Variants in PIWIL4 observed in about 807,000 individuals in gnomAD.
PIWIL4 encodes piwi like RNA-mediated gene silencing 4.
In PIWIL4, 50 loss-of-function variants were observed where a neutral mutation model predicts 100.9. That is an observed-to-expected ratio of 0.50 (90% CI 0.39 to 0.63). The LOEUF (loss-of-function observed/expected upper bound fraction) is 0.63. Ranked by LOEUF, PIWIL4 falls within the 20% of genes least tolerant of loss-of-function variation. PIWIL4 has a pLI of 0.00. For synonymous variants in PIWIL4, 342 were observed against 367.5 expected, an observed-to-expected ratio of 0.93 and a Z score of 0.79; for missense variants, 887 against 1,043.3, an observed-to-expected ratio of 0.85 and a Z score of 2.06.
At chr11:94,619,620 T>G in intron 17 of PIWIL4, 140 bp from the exon 18 acceptor site, 2 of 952,882 alleles carry the variant, frequency 2.1e-6, no homozygotes, top group Non-Finnish European at 1.5e-6. Context: ...GAAGGAGGGA[T>G]TGTAGGTAAT....
intron 6 of PIWIL4, 47 bp from the exon 7 acceptor site, chr11:94,587,003 C>A (rs377010536): frequency 4.3e-6 from 6 of 1,410,564 alleles, no homozygotes; most frequent in Non-Finnish European, 4.9e-6. Context: ...ATTGTGTTTC[C>A]GGTATAACAT....
chr11:94,588,320 T>G (rs1226770004), intron 7 of PIWIL4, among the ~76,000 whole-genome samples: 2 of 152,166 alleles, frequency 1.3e-5, no homozygotes, highest in Admixed American at 1.3e-4. Context: ...CAAAAATACT[T>G]CTTTTAGGGG....
At chr11:94,614,549 TCCTC>T (rs942028348) in intron 15 of PIWIL4, among the ~76,000 whole-genome samples, 28 of 152,248 alleles carry the variant, frequency 1.8e-4, no homozygotes, top group African/African-American at 6.5e-4. Flanking sequence ...CTTCAGGTGA[TCCTC>T]CCTCCTCGGC....
At chr11:94,612,518 T>C (rs1379908151) in intron 15 of PIWIL4, among the ~76,000 whole-genome samples, 2 of 152,182 alleles carry the variant, frequency 1.3e-5, no homozygotes, top group Non-Finnish European at 2.9e-5. Context: ...TGTCATTTGA[T>C]TGGAGAATTT....
intron 4 of PIWIL4, 118 bp from the exon 5 acceptor site, chr11:94,583,330 C>A: frequency 8.8e-6 from 10 of 1,130,566 alleles, no homozygotes; most frequent in South Asian, 1.5e-5. Context: ...ATTACTCATA[C>A]TAACACCTGC....
At chr11:94,585,630 A>G in intron 6 of PIWIL4, 105 bp downstream of exon 6, 1 of 761,930 alleles carries the variant, frequency 1.3e-6, no homozygotes, top group African/African-American at 1.8e-5. Context: ...AGACTCTGTG[A>G]TATGAAATGT....
intron 4 of PIWIL4, among the ~76,000 whole-genome samples, chr11:94,578,188 T>C (rs189629502): frequency 2.0e-5 from 3 of 152,300 alleles, no homozygotes; most frequent in East Asian, 3.9e-4. Flanking sequence ...GTCTTCAGGA[T>C]CGTACTGGTA....
intron 8 of PIWIL4, among the ~76,000 whole-genome samples, chr11:94,593,165 C>A (rs550951168): frequency 1.3e-5 from 2 of 152,254 alleles, no homozygotes; most frequent in East Asian, 3.9e-4. Context: ...AAGCATGGGG[C>A]AGTCTACCTC....
rs77223905 is a variant in PIWIL4, at chr11:94,609,216, C to T, written c.1943+530C>T. On this transcript the variant is annotated intron_variant, in intron 15 of 19. Transcript: ENST00000299001. ...AAATAAGGTGCATTGAACATCTCCA[C>T]CCATAGTAAATACTCAATACATACT... 5.8e-3 allele frequency among the ~76,000 whole-genome samples: 887 copies of T among 152,306 alleles called. 7 individuals carry two copies. The highest frequency in any genetic ancestry group is 7.2e-3 in the Non-Finnish European group (493 of 68,028).
chr11:94,614,082 G>A (rs12280509), intron 15 of PIWIL4, among the ~76,000 whole-genome samples: 10,106 of 151,140 alleles, frequency 0.067, 682 homozygotes, highest in East Asian at 0.19. Context: ...TTTTTTAATT[G>A]TTTCTATCTC....
At chr11:94,567,838 G>A (rs1301422576) in intron 1 of PIWIL4, 3 of 1,129,148 alleles carry the variant, frequency 2.7e-6, no homozygotes, top group Non-Finnish European at 3.3e-6. Context: ...ACTGAAGATT[G>A]GGGACAAATA....
At chr11:94,586,603 A>G (rs539391631) in intron 6 of PIWIL4, among the ~76,000 whole-genome samples, 61 of 152,258 alleles carry the variant, frequency 4.0e-4, no homozygotes, top group African/African-American at 1.4e-3. Context: ...TCACTCCATA[A>G]ATGTATTATT....
intron 3 of PIWIL4, among the ~76,000 whole-genome samples, chr11:94,576,219 C>T (rs1948234764): frequency 6.6e-6 from 1 of 152,218 alleles, no homozygotes. Flanking sequence ...ACTGCAGCCT[C>T]TGCCTTCCAG....
chr11:94,567,395 G>A lies in PIWIL4; in HGVS notation c.-124G>A. On this transcript the variant is annotated 5_prime_UTR_variant, in exon 1 of 20. Coordinates refer to ENST00000299001, the MANE Select transcript of PIWIL4 (RefSeq NM_152431.3). ...ATTTCCAGCCCCGGCGTTGGTTGTG[G>A]ATGCTGGACATCCACCGCCTCCAGG... is the stretch of plus-strand genomic sequence containing the variant. The A allele has an allele frequency of 1.1e-6, 1 of 880,356 alleles. No homozygotes were observed. The highest frequency in any genetic ancestry group is 1.6e-6 in the Non-Finnish European group (1 of 610,928). 54.5% of individuals were successfully genotyped at this position (880,356 alleles called of 1,614,324 possible).
chr11:94,597,782 T>C, intron 10 of PIWIL4, 22 bp from the exon 11 acceptor site: 1 of 1,556,500 alleles, frequency 6.4e-7, no homozygotes, highest in South Asian at 1.1e-5. Flanking sequence ...TCTTTAATGA[T>C]TTAAAACAAC....
intron 4 of PIWIL4, among the ~76,000 whole-genome samples, chr11:94,578,224 A>G (rs1186492416): frequency 2.0e-5 from 3 of 152,164 alleles, no homozygotes. Flanking sequence ...TCCTCTTACA[A>G]TTTTTTGAAG....
Position 94,587,040 on chromosome 11 carries a change from G to A in PIWIL4, c.717-10G>A. Reference sequence around the variant, plus strand: ...GACAATATTCCTTTTTTTCTTTTTTGTTTTTAAAGATTATCCCTTTGGCCT... The same window carrying A: ...GACAATATTCCTTTTTTTCTTTTTTATTTTTAAAGATTATCCCTTTGGCCT... On this transcript the variant is annotated splice_polypyrimidine_tract_variant and intron_variant, in intron 6 of 19. Transcript: ENST00000299001. 6.3e-7 allele frequency: 1 copy of A among 1,582,278 alleles called. No homozygotes were observed. Among genetic ancestry groups the A allele is most frequent in the Non-Finnish European group, 8.6e-7 (1 of 1,161,356 alleles).
At chr11:94,595,524 A>T (rs1362288610) in intron 10 of PIWIL4, 98 bp downstream of exon 10, 15 of 975,168 alleles carry the variant, frequency 1.5e-5, no homozygotes, top group African/African-American at 4.8e-5. Context: ...TGTGTCATTC[A>T]TATTGATTCA....
intron 17 of PIWIL4, among the ~76,000 whole-genome samples, chr11:94,619,311 G>T (rs908575663): frequency 3.3e-5 from 5 of 152,118 alleles, no homozygotes; most frequent in Non-Finnish European, 7.4e-5. Flanking sequence ...CATGAGTTTT[G>T]TGTAATACAG....
Sources: gnomAD v4.1 joint callset for allele counts (sites outside exome capture counted in the v4.1 genomes callset) on GRCh38, gnomAD v4.1.1 for gene constraint, MANE v1.5 for transcripts, NCBI Gene and HGNC (gene_info 2026-07-23, HGNC 2026-07-21) for gene names.